Variants in NBEA observed in about 807,000 individuals in gnomAD.
NBEA encodes the protein neurobeachin, also known as lysosomal-trafficking regulator 2.
Under a neutral mutation model 343.4 loss-of-function variants are expected in NBEA, and 44 were observed. That is an observed-to-expected ratio of 0.13 (90% CI 0.10 to 0.16). The LOEUF (loss-of-function observed/expected upper bound fraction) is 0.16, where lower values mean the gene tolerates loss of function less well. Among genes scored for constraint, NBEA ranks in the 10% least tolerant of loss-of-function variants. NBEA has a pLI of 1.00. For synonymous variants in NBEA, 1,175 were observed against 1,238.7 expected, an observed-to-expected ratio of 0.95 and a Z score of 1.08; for missense variants, 2,555 against 3,631.3, an observed-to-expected ratio of 0.70 and a Z score of 7.62.
chr13:35,479,134 T>G (rs1175090869), intron 41 of NBEA, among the ~76,000 whole-genome samples: 1 of 152,226 alleles, frequency 6.6e-6, no homozygotes, highest in African/African-American at 2.4e-5. Flanking sequence ...AGGAAACTCA[T>G]TAGATCTAGA....
chr13:35,175,086 G>A (rs535594592), intron 27 of NBEA, among the ~76,000 whole-genome samples: 43 of 152,042 alleles, frequency 2.8e-4, no homozygotes, highest in Admixed American at 1.4e-3. Context: ...CACCACGCCC[G>A]GCCACTTCAG....
At chr13:34,954,720 C>T (rs942880598) in intron 1 of NBEA, among the ~76,000 whole-genome samples, 5 of 152,104 alleles carry the variant, frequency 3.3e-5, no homozygotes, top group African/African-American at 1.2e-4. Flanking sequence ...TGAATATCTT[C>T]TCATATACTT....
At chr13:34,956,356 A>G (rs981563317) in intron 1 of NBEA, among the ~76,000 whole-genome samples, 1 of 151,962 alleles carries the variant, frequency 6.6e-6, no homozygotes, top group Non-Finnish European at 1.5e-5. Flanking sequence ...TATAAGAGCA[A>G]AAAAACAATG....
At chr13:35,177,182 C>G (rs554952628) in intron 28 of NBEA, 79 bp downstream of exon 28, 2 of 1,088,876 alleles carry the variant, frequency 1.8e-6, no homozygotes, top group Non-Finnish European at 2.7e-6. Context: ...AAGAAAGCTG[C>G]TTATGAAAAC....
intron 30 of NBEA, among the ~76,000 whole-genome samples, chr13:35,184,634 A>G (rs1477595791): frequency 2.0e-5 from 3 of 152,138 alleles, no homozygotes; most frequent in Non-Finnish European, 4.4e-5. Flanking sequence ...GAGACAACAG[A>G]AATGGCAGAA....
At chr13:35,542,736 A>T (rs2078891350) in intron 41 of NBEA, among the ~76,000 whole-genome samples, 1 of 152,084 alleles carries the variant, frequency 6.6e-6, no homozygotes, top group South Asian at 2.1e-4. Flanking sequence ...CGTGATATCC[A>T]GTATGTTCTA....
chr13:35,341,317 A>G (rs1157110770), intron 36 of NBEA, among the ~76,000 whole-genome samples: 1 of 152,058 alleles, frequency 6.6e-6, no homozygotes, highest in Non-Finnish European at 1.5e-5. Flanking sequence ...CATAGTTAAA[A>G]ATCTTCATGA....
chr13:35,469,740 T>C (rs557400916), intron 40 of NBEA, among the ~76,000 whole-genome samples: 3 of 152,334 alleles, frequency 2.0e-5, no homozygotes, highest in Admixed American at 1.3e-4. Flanking sequence ...GGAGGTTAAA[T>C]GTGTAGTTAC....
intron 41 of NBEA, among the ~76,000 whole-genome samples, chr13:35,526,010 A>G (rs2077957732): frequency 6.6e-6 from 1 of 152,184 alleles, no homozygotes; most frequent in Non-Finnish European, 1.5e-5. Context: ...TTCCAGTCTC[A>G]GCTCTCCCAG....
chr13:35,336,720 A>G (rs954671535), intron 36 of NBEA, among the ~76,000 whole-genome samples: 21 of 152,246 alleles, frequency 1.4e-4, no homozygotes, highest in African/African-American at 5.1e-4. Context: ...CTTTGCAACA[A>G]CATGGATAGA....
chr13:35,567,078 T>C, intron 45 of NBEA, 61 bp downstream of exon 45: 1 of 873,968 alleles, frequency 1.1e-6, no homozygotes, highest in South Asian at 1.5e-5. Flanking sequence ...ATAGTATTTC[T>C]GTCAGAGTAT....
chr13:35,491,944 T>G (rs1276815786), intron 41 of NBEA, among the ~76,000 whole-genome samples: 1 of 152,018 alleles, frequency 6.6e-6, no homozygotes, highest in Non-Finnish European at 1.5e-5. Flanking sequence ...AAAAAGTTCT[T>G]TGTCTTTCCA....
Position 34,987,193 on chromosome 13 carries a change from GT to G in NBEA, c.294+44080del, listed in dbSNP as rs544469127. On this transcript the variant is annotated intron_variant, in intron 1 of 58. Coordinates refer to ENST00000379939, the MANE Select transcript of NBEA (RefSeq NM_001385012.1). Reference sequence around the variant, plus strand: ...GTGGAGCTCTTGTAAGGCAGGCCTGGTGGTGACAAAATCTGTCAGCCTTTGC... The same window carrying G: ...GTGGAGCTCTTGTAAGGCAGGCCTGGGGTGACAAAATCTGTCAGCCTTTGC... Among the ~76,000 whole-genome samples, 130 of 151,060 alleles carry G rather than the reference GT, an allele frequency of 8.6e-4. 2 individuals carry two copies. Among genetic ancestry groups the G allele is most frequent in the Admixed American group, 2.4e-3 (36 of 15,170 alleles).
intron 45 of NBEA, among the ~76,000 whole-genome samples, chr13:35,574,220 A>G (rs1331332225): frequency 6.6e-6 from 1 of 151,408 alleles, no homozygotes; most frequent in Non-Finnish European, 1.5e-5. Flanking sequence ...GATGAGTTGC[A>G]CTGGTTATAT....
chr13:35,475,336 G>T, intron 41 of NBEA: 2 of 1,613,990 alleles, frequency 1.2e-6, no homozygotes, highest in Non-Finnish European at 1.7e-6. Flanking sequence ...ATTGTTCAAG[G>T]GCTGGCCCGG....
rs143453474 is a variant in NBEA at position 35,495,011 on chromosome 13, A to C, written c.6585+22475A>C. On this transcript the variant is annotated intron_variant, in intron 41 of 58. Transcript: ENST00000379939. ...GGACAACAGAGTGAGACTCTGTCAAAAAAAAAGAAAAGAAAAGAAAAAAAA... is the reference window on the plus strand; with the variant it reads ...GGACAACAGAGTGAGACTCTGTCAACAAAAAAGAAAAGAAAAGAAAAAAAA... Among the ~76,000 whole-genome samples the C allele has an allele frequency of 9.8e-3, 1,486 of 152,020 alleles. 32 individuals are homozygous for C. Among genetic ancestry groups the C allele is most frequent in the African/African-American group, 0.035 (1,437 of 41,476 alleles).
intron 8 of NBEA, among the ~76,000 whole-genome samples, chr13:35,061,148 T>A (rs2063453426): frequency 6.6e-6 from 1 of 151,638 alleles, no homozygotes; most frequent in Non-Finnish European, 1.5e-5. Context: ...CTATCACAAA[T>A]GATTTTGACT....
In NBEA at chr13:34,982,447, C is replaced by T. The variant is rs138192119; in HGVS notation, c.294+39333C>T. 8.7e-3 allele frequency among the ~76,000 whole-genome samples: 1,326 copies of T among 152,134 alleles called. 19 individuals are homozygous for T. Among genetic ancestry groups the T allele is most frequent in the Non-Finnish European group, 0.012 (835 of 67,976 alleles). On this transcript the variant is annotated intron_variant, in intron 1 of 58. Coordinates refer to ENST00000379939, the MANE Select transcript of NBEA (RefSeq NM_001385012.1). Reference sequence around the variant, plus strand: ...CCCTAGTAGCTGGAATTACAGGCATCTGCCACCATGCCCAGCTAATTTTTT... The same window carrying T: ...CCCTAGTAGCTGGAATTACAGGCATTTGCCACCATGCCCAGCTAATTTTTT...
chr13:35,032,943 A>G (rs184977947), intron 1 of NBEA, among the ~76,000 whole-genome samples: 176 of 151,988 alleles, frequency 1.2e-3, no homozygotes, highest in Non-Finnish European at 1.5e-3. Context: ...ATTTTCTCCC[A>G]TTCTCTGGAT....
Sources: allele counts gnomAD v4.1 joint callset (sites outside exome capture counted in the v4.1 genomes callset), GRCh38; gene constraint gnomAD v4.1.1; transcripts MANE v1.5; gene names NCBI Gene and HGNC (gene_info 2026-07-23, HGNC 2026-07-21).